Variants in SEC24B observed in about 807,000 individuals in gnomAD.
SEC24B encodes the protein protein transport protein Sec24B.
A neutral mutation model predicts 142.8 loss-of-function variants in SEC24B; 45 were observed. That is an observed-to-expected ratio of 0.32 (90% CI 0.25 to 0.40). SEC24B has a LOEUF of 0.40. Among genes scored for constraint, SEC24B ranks in the 10% least tolerant of loss-of-function variants. The probability of loss-of-function intolerance (pLI) is 1.00; values close to 1 mark genes in which losing one functional copy is unlikely to be tolerated. For synonymous variants in SEC24B, 574 were observed against 568.2 expected, an observed-to-expected ratio of 1.01 and a Z score of -0.15; for missense variants, 1,409 against 1,526.8, an observed-to-expected ratio of 0.92 and a Z score of 1.29.
chr4:109,536,641 T>C lies in SEC24B; in HGVS notation c.3589-1852T>C, dbSNP rs1323220143. On this transcript the variant is annotated intron_variant, in intron 22 of 23. Transcript: ENST00000265175. ...GCCTCCCGGGTTCGCGCCATTCTCC[T>C]GCCTCAGTCTCCTGGGTAGCTGGGA... is the stretch of plus-strand genomic sequence containing the variant. Among the ~76,000 whole-genome samples the C allele has an allele frequency of 2.0e-5, 3 of 152,288 alleles. No homozygotes were observed. The South Asian group carries it at 6.2e-4, about 32-fold the overall frequency.
At chr4:109,516,058 A>T (rs996150862) in intron 10 of SEC24B, among the ~76,000 whole-genome samples, 2 of 151,690 alleles carry the variant, frequency 1.3e-5, no homozygotes, top group Non-Finnish European at 2.9e-5. Flanking sequence ...CAAAAAAAAG[A>T]AAAGTATTTA....
intron 1 of SEC24B, among the ~76,000 whole-genome samples, chr4:109,444,344 G>A (rs1258325464): frequency 6.6e-6 from 1 of 152,056 alleles, no homozygotes; most frequent in Non-Finnish European, 1.5e-5. Flanking sequence ...TGTGTGGTAA[G>A]GAATGTTAAA....
chr4:109,532,785 G>A, intron 21 of SEC24B, 42 bp downstream of exon 21: 1 of 1,003,182 alleles, frequency 1.0e-6, no homozygotes, highest in Non-Finnish European at 1.6e-6. Context: ...TGTTTGAGCT[G>A]ACCAAAAACA....
intron 3 of SEC24B, 127 bp downstream of exon 3, chr4:109,473,313 A>C (rs76839468): frequency 3.6e-6 from 2 of 560,548 alleles, no homozygotes; most frequent in Non-Finnish European, 5.7e-6. Context: ...ACAGTGTCTC[A>C]TATATGTTTT....
At chr4:109,456,475 T>C (rs992006966) in intron 1 of SEC24B, among the ~76,000 whole-genome samples, 3 of 152,000 alleles carry the variant, frequency 2.0e-5, no homozygotes, top group African/African-American at 7.2e-5. Context: ...ATGTAATCAA[T>C]GTTAGGACGA....
intron 3 of SEC24B, among the ~76,000 whole-genome samples, chr4:109,478,349 T>G (rs1733391492): frequency 6.6e-6 from 1 of 151,650 alleles, no homozygotes; most frequent in South Asian, 2.1e-4. Context: ...TGGGTGGTTC[T>G]TTTTTTTCTA....
intron 1 of SEC24B, among the ~76,000 whole-genome samples, chr4:109,447,118 T>G (rs1729547568): frequency 6.6e-6 from 1 of 152,136 alleles, no homozygotes. Flanking sequence ...AAGTTAAGAA[T>G]TGGTCAGGTG....
At chr4:109,519,555 C>T (rs969042328) in intron 11 of SEC24B, among the ~76,000 whole-genome samples, 6 of 152,304 alleles carry the variant, frequency 3.9e-5, no homozygotes, top group African/African-American at 1.2e-4. Context: ...TCAGTAGTCT[C>T]CTCTAGCCAG....
Position 109,445,242 on chromosome 4 carries a change from G to GTTTT in SEC24B, c.133+11256_133+11259dup, listed in dbSNP as rs70949078. Among the ~76,000 whole-genome samples, 35 of 112,764 alleles carry GTTTT rather than the reference G, an allele frequency of 3.1e-4. 1 individual carries two copies. The highest frequency in any genetic ancestry group is 1.1e-3 in the African/African-American group (29 of 26,404). 74.0% of individuals were successfully genotyped at this position (112,764 alleles called of 152,430 possible). The stretch of plus-strand genomic sequence containing the variant: ...TTTTTAGTTTTTTCTTTCTTTCTTT[G>GTTTT]TTTTTTTTTTTTTTTTTTTGAGACG... On this transcript the variant is annotated intron_variant, in intron 1 of 23. Transcript: ENST00000265175.
intron 4 of SEC24B, among the ~76,000 whole-genome samples, chr4:109,482,627 T>TA (rs934743075): frequency 6.6e-6 from 1 of 151,818 alleles, no homozygotes; most frequent in African/African-American, 2.4e-5. Context: ...ACTATATATA[T>TA]TTTTTTATTT....
intron 9 of SEC24B, among the ~76,000 whole-genome samples, chr4:109,513,024 G>A (rs1264608082): frequency 6.8e-6 from 1 of 147,276 alleles, no homozygotes; most frequent in Non-Finnish European, 1.5e-5. Context: ...ACCCAGGTTG[G>A]AGTGCAGTGG....
chr4:109,443,710 T>G (rs1339531573), intron 1 of SEC24B, among the ~76,000 whole-genome samples: 1 of 152,154 alleles, frequency 6.6e-6, no homozygotes, highest in Non-Finnish European at 1.5e-5. Flanking sequence ...TGTGTTTCCT[T>G]CATAAGGCCT....
intron 19 of SEC24B, 102 bp from the exon 20 acceptor site, chr4:109,531,283 T>A: frequency 2.0e-6 from 2 of 1,009,092 alleles, no homozygotes; most frequent in Non-Finnish European, 2.9e-6. Context: ...TCTGTCTGAT[T>A]TAAAGGCCAT....
Position 109,512,649 on chromosome 4 carries a change from A to ATT in SEC24B, c.1903+577_1903+578dup, listed in dbSNP as rs71594188. 4.3e-3 allele frequency among the ~76,000 whole-genome samples: 609 copies of ATT among 142,608 alleles called. 2 individuals are homozygous for ATT. The highest frequency in any genetic ancestry group is 0.014 in the African/African-American group (556 of 38,876). 93.6% of individuals were successfully genotyped at this position (142,608 alleles called of 152,430 possible). A position where few individuals can be genotyped will look rare whatever the true frequency, so the allele number is the denominator to read the frequency against. On this transcript the variant is annotated intron_variant, in intron 9 of 23. Transcript: ENST00000265175. ...ATAAGTTTTTTTATCCTTCTGATCT[A>ATT]TTTTTTTTTTTTAATTTTTTTTTTG...
At chr4:109,488,829 T>A (rs1734673187) in intron 4 of SEC24B, 1 of 166,790 alleles carries the variant, frequency 6.0e-6, no homozygotes, top group African/African-American at 2.4e-5. Flanking sequence ...CTCGTTGTTT[T>A]GATTTTCATT....
intron 23 of SEC24B, 44 bp from the exon 24 acceptor site, chr4:109,539,517 G>A: frequency 8.4e-7 from 1 of 1,189,950 alleles, no homozygotes; most frequent in Non-Finnish European, 1.3e-6. Flanking sequence ...GTGAAATCAG[G>A]GCTTTTAAAT....
chr4:109,497,576 T>C (rs1735664041), intron 6 of SEC24B, among the ~76,000 whole-genome samples: 1 of 151,698 alleles, frequency 6.6e-6, no homozygotes, highest in Non-Finnish European at 1.5e-5. Context: ...TTTTACATAA[T>C]TGGAAGCATA....
chr4:109,465,291 G>C (rs1474016155), intron 2 of SEC24B, among the ~76,000 whole-genome samples: 1 of 152,210 alleles, frequency 6.6e-6, no homozygotes, highest in Non-Finnish European at 1.5e-5. Context: ...CACAGATTGT[G>C]ATATTCAACT....
chr4:109,534,454 G>A (rs1439944815), intron 22 of SEC24B, among the ~76,000 whole-genome samples: 6 of 151,966 alleles, frequency 3.9e-5, no homozygotes, highest in Admixed American at 3.9e-4. Context: ...GAGCATGGTG[G>A]CGGGCGCCTG....
Sources: gnomAD v4.1 joint callset for allele counts (sites outside exome capture counted in the v4.1 genomes callset) on GRCh38, gnomAD v4.1.1 for gene constraint, MANE v1.5 for transcripts, NCBI Gene and HGNC (gene_info 2026-07-23, HGNC 2026-07-21) for gene names.